DPP10: variants seen among roughly 807,000 people sequenced by gnomAD.
DPP10 encodes the protein inactive dipeptidyl peptidase 10.
Under a neutral mutation model 120.9 loss-of-function variants are expected in DPP10, and 33 were observed. The ratio of observed to expected loss-of-function variants is 0.27; its 90% CI spans 0.21 to 0.37. The LOEUF is 0.37. Ranked by LOEUF, DPP10 falls within the 10% of genes least tolerant of loss-of-function variation. The pLI is 1.00. For synonymous variants in DPP10, 337 were observed against 326.1 expected (o/e 1.03, Z -0.36); for missense variants, 816 against 942.8 (o/e 0.87, Z 1.76).
intron 4 of DPP10, among the ~76,000 whole-genome samples, chr2:115,501,833 C>T (rs900198447): frequency 6.6e-6 from 1 of 151,982 alleles, no homozygotes; most frequent in Non-Finnish European, 1.5e-5. Context: ...TAACGTTAGG[C>T]TAAAACCGGG....
intron 1 of DPP10, among the ~76,000 whole-genome samples, chr2:115,157,864 G>A (rs545083107): frequency 2.3e-4 from 35 of 152,292 alleles, no homozygotes; most frequent in African/African-American, 7.9e-4. Flanking sequence ...ACTGGCTAAT[G>A]CTAGGGAAAT....
intron 5 of DPP10, among the ~76,000 whole-genome samples, chr2:115,623,735 T>A (rs999043380): frequency 5.9e-5 from 9 of 152,180 alleles, no homozygotes; most frequent in African/African-American, 1.4e-4. Flanking sequence ...GAGGAGACTC[T>A]CCTCTTTGTA....
At position 115,810,283 on chromosome 2, in the gene DPP10, C is replaced by A. The variant is rs956930503; in HGVS notation, c.1701-4510C>A. 3.3e-5 allele frequency among the ~76,000 whole-genome samples: 5 copies of A among 152,222 alleles called. No individual in the cohort carries two copies. In the East Asian group the frequency reaches 9.7e-4, roughly 29 times the overall value. Reference sequence around the variant, plus strand: ...AACCAATTAATTCCTCAAGGTACCTCAGCAGATTGGTAATGAAATCAAGGA... The same window carrying A: ...AACCAATTAATTCCTCAAGGTACCTAAGCAGATTGGTAATGAAATCAAGGA... On this transcript the variant is annotated intron_variant, in intron 19 of 25. Transcript: ENST00000410059.
chr2:114,730,922 C>T (rs1414207724), intron 1 of DPP10, among the ~76,000 whole-genome samples: 7 of 144,680 alleles, frequency 4.8e-5, no homozygotes, highest in Non-Finnish European at 1.1e-4. Context: ...TTTTTTTAAA[C>T]TTGCTGTGAG....
At chr2:115,142,212 A>G (rs1435453889) in intron 1 of DPP10, among the ~76,000 whole-genome samples, 1 of 152,204 alleles carries the variant, frequency 6.6e-6, no homozygotes, top group Non-Finnish European at 1.5e-5. Flanking sequence ...CCTGTTTAAT[A>G]TTCAACTGCC....
chr2:115,491,148 C>T (rs1426692101), intron 3 of DPP10, among the ~76,000 whole-genome samples: 1 of 151,992 alleles, frequency 6.6e-6, no homozygotes. Flanking sequence ...AACAAAACCT[C>T]CCCCAAAAAA....
At chr2:115,023,070 C>A (rs529867927) in intron 1 of DPP10, among the ~76,000 whole-genome samples, 1 of 152,034 alleles carries the variant, frequency 6.6e-6, no homozygotes, top group Non-Finnish European at 1.5e-5. Context: ...TCGGAAAAAC[C>A]CTTGTAGACA....
At chr2:115,231,708 T>C (rs1270754604) in intron 1 of DPP10, among the ~76,000 whole-genome samples, 5 of 152,212 alleles carry the variant, frequency 3.3e-5, no homozygotes, top group African/African-American at 4.8e-5. Flanking sequence ...AGCCCCCAAG[T>C]ATTTTAATCA....
intron 1 of DPP10, among the ~76,000 whole-genome samples, chr2:114,885,657 T>G (rs1692010130): frequency 6.6e-6 from 1 of 152,210 alleles, no homozygotes; most frequent in Non-Finnish European, 1.5e-5. Flanking sequence ...AAACTGAGAT[T>G]GTTCATTACT....
chr2:114,505,051 CA>C (rs3061538), intron 1 of DPP10, among the ~76,000 whole-genome samples: 300 of 44,880 alleles, frequency 6.7e-3, no homozygotes, highest in African/African-American at 0.013. Flanking sequence ...GACTCTGTCT[CA>C]AAAAAAAAAA....
rs1203032217 is a variant in DPP10 at position 114,995,742 on chromosome 2, G to A, written c.61-313497G>A. Among the ~76,000 whole-genome samples, 3 of 152,124 alleles carry A rather than the reference G, an allele frequency of 2.0e-5. No homozygotes were observed. The East Asian group carries it at 5.8e-4, about 29-fold the overall frequency. On this transcript the variant is annotated intron_variant, in intron 1 of 25. Coordinates refer to ENST00000410059, the MANE Select transcript of DPP10 (RefSeq NM_020868.6). Reference sequence around the variant, plus strand: ...CATCATCAGTGTTCTTGTTTTACTCGTCTTTTAGTAAACACATTAGGTCTG... The same window carrying A: ...CATCATCAGTGTTCTTGTTTTACTCATCTTTTAGTAAACACATTAGGTCTG...
intron 1 of DPP10, among the ~76,000 whole-genome samples, chr2:115,232,039 C>T (rs545617495): frequency 7.4e-4 from 112 of 152,294 alleles, no homozygotes; most frequent in Middle Eastern, 3.4e-3. Flanking sequence ...CTTTCTCATT[C>T]GTCTCGAATC....
intron 1 of DPP10, among the ~76,000 whole-genome samples, chr2:115,300,627 T>A (rs1218334071): frequency 6.6e-6 from 1 of 152,088 alleles, no homozygotes; most frequent in Non-Finnish European, 1.5e-5. Context: ...TGATTATTAA[T>A]GATAATCCTG....
At chr2:115,614,516 C>T (rs1480873065) in intron 5 of DPP10, among the ~76,000 whole-genome samples, 1 of 152,192 alleles carries the variant, frequency 6.6e-6, no homozygotes, top group African/African-American at 2.4e-5. Flanking sequence ...ACTTCCGCCT[C>T]CTGGGTTCAA....
intron 1 of DPP10, among the ~76,000 whole-genome samples, chr2:114,710,545 G>C (rs1193256720): frequency 6.6e-6 from 1 of 152,122 alleles, no homozygotes; most frequent in African/African-American, 2.4e-5. Context: ...AGGAATTTGA[G>C]ACCAGCCTGG....
At chr2:115,558,321 A>G (rs2080347932) in intron 5 of DPP10, among the ~76,000 whole-genome samples, 2 of 152,200 alleles carry the variant, frequency 1.3e-5, no homozygotes, top group Admixed American at 6.5e-5. Context: ...ATTTAGAACT[A>G]TGAGAGAAGG....
chr2:115,799,429 TC>T (rs1684912802), intron 19 of DPP10, among the ~76,000 whole-genome samples: 1 of 152,032 alleles, frequency 6.6e-6, no homozygotes, highest in Non-Finnish European at 1.5e-5. Context: ...TTTTATTTTT[TC>T]TTTTTTTATT....
chr2:115,402,687 C>T (rs980257635), intron 3 of DPP10, among the ~76,000 whole-genome samples: 2 of 149,552 alleles, frequency 1.3e-5, no homozygotes, highest in African/African-American at 2.5e-5. Context: ...CAGGACTGGA[C>T]GGCTTCACTG....
rs544091818 is a variant in DPP10 at position 115,203,700 on chromosome 2, T to C, written c.61-105539T>C. ...AAATCCATGAAGTTGGCACTTTGGC[T>C]TTGACCTCTCATGATCTTCTTGACC... On this transcript the variant is annotated intron_variant, in intron 1 of 25. Transcript: ENST00000410059. Among the ~76,000 whole-genome samples the C allele has an allele frequency of 3.0e-4, 46 of 152,232 alleles. 1 individual carries two copies. The South Asian group carries it at 6.6e-3, about 22-fold the overall frequency.
Sources: gnomAD v4.1 joint callset for allele counts (sites outside exome capture counted in the v4.1 genomes callset) on GRCh38, gnomAD v4.1.1 for gene constraint, MANE v1.5 for transcripts, NCBI Gene and HGNC (gene_info 2026-07-23, HGNC 2026-07-21) for gene names.